Variants in KCNK2 observed in about 807,000 individuals in gnomAD.
KCNK2 encodes the protein potassium channel subfamily K member 2.
A neutral mutation model predicts 40.5 loss-of-function variants in KCNK2; 21 were observed. The observed-to-expected ratio is 0.52, with a 90% CI of 0.37 to 0.75. The LOEUF (loss-of-function observed/expected upper bound fraction) is 0.75, where lower values mean the gene tolerates loss of function less well. Among genes scored for constraint, KCNK2 ranks in the 30% least tolerant of loss-of-function variants. KCNK2 has a pLI of 0.00. For synonymous variants in KCNK2, 191 were observed against 202.2 expected (o/e 0.94, Z 0.47); for missense variants, 399 against 531.6 (o/e 0.75, Z 2.45).
rs1350148554 is a variant in KCNK2, at chr1:215,194,841, A to G, written c.824-112A>G. 4 of 785,130 alleles carry G rather than the reference A, an allele frequency of 5.1e-6. No individual in the cohort carries two copies. In the South Asian group the frequency reaches 5.1e-5, roughly 10 times the overall value. 48.6% of individuals were successfully genotyped at this position (785,130 alleles called of 1,614,324 possible). A position where few individuals can be genotyped will look rare whatever the true frequency, so the allele number is the denominator to read the frequency against. On this transcript the variant is annotated intron_variant, in intron 5 of 6. Coordinates refer to ENST00000444842, the MANE Select transcript of KCNK2 (RefSeq NM_001017425.3). The stretch of plus-strand genomic sequence containing the variant: ...ATAATGTAACTCCATTGATAAGAAT[A>G]CTAGATTTCTATGTTTTGCAAACCA...
chr1:215,225,707 A>C (rs1289235380), intron 6 of KCNK2, among the ~76,000 whole-genome samples: 1 of 152,210 alleles, frequency 6.6e-6, no homozygotes, highest in Non-Finnish European at 1.5e-5. Context: ...TGAGGAGAAG[A>C]AATTGATAGA....
At chr1:215,030,659 C>T (rs1054440633) in intron 1 of KCNK2, among the ~76,000 whole-genome samples, 2 of 151,840 alleles carry the variant, frequency 1.3e-5, no homozygotes, top group African/African-American at 2.4e-5. Context: ...CTCAGCCTCC[C>T]GAGTAGCTGG....
At chr1:215,111,772 G>T (rs1263975471) in intron 2 of KCNK2, among the ~76,000 whole-genome samples, 1 of 151,274 alleles carries the variant, frequency 6.6e-6, no homozygotes, top group Non-Finnish European at 1.5e-5. Context: ...TCTTTAATTG[G>T]GCCATGTTTC....
Position 215,200,552 on chromosome 1 carries a change from CCATTGA to C in KCNK2, c.963+5461_963+5466del, listed in dbSNP as rs1558135826. On this transcript the variant is annotated intron_variant, in intron 6 of 6. Coordinates refer to ENST00000444842, the MANE Select transcript of KCNK2 (RefSeq NM_001017425.3). ...ACTTTATTCAGAAAACTTTAGGGAG[CCATTGA>C]AGGATTTTAAGTAAGTGGAATGAAT... Among the ~76,000 whole-genome samples, 3 of 12,910 alleles carry C rather than the reference CCATTGA, an allele frequency of 2.3e-4. No homozygotes were observed. In the Non-Finnish European group the frequency reaches 9.5e-3, roughly 41 times the overall value. 8.5% of individuals were successfully genotyped at this position (12,910 alleles called of 152,430 possible). A position where few individuals can be genotyped will look rare whatever the true frequency, so the allele number is the denominator to read the frequency against.
chr1:215,083,161 C>CGGGGTTTTTGCATCTG lies in KCNK2; in HGVS notation c.-225_-224insGGGGTTTTTGCATCTG. Reference sequence around the variant, plus strand: ...GCCCTCTGCCCAGCCCGCCGGTGTCCCCTCCTTCCCGCGATTTCGTTTCTT... The same window carrying CGGGGTTTTTGCATCTG: ...GCCCTCTGCCCAGCCCGCCGGTGTCCGGGGTTTTTGCATCTGCCTCCTTCCCGCGATTTCGTTTCTT... On this transcript the variant is annotated 5_prime_UTR_variant, in exon 1 of 7. Coordinates refer to ENST00000444842, the MANE Select transcript of KCNK2 (RefSeq NM_001017425.3). 1 of 969,346 alleles carries CGGGGTTTTTGCATCTG rather than the reference C, an allele frequency of 1.0e-6. No homozygotes were observed. Among genetic ancestry groups the CGGGGTTTTTGCATCTG allele is most frequent in the Non-Finnish European group, 1.6e-6 (1 of 638,128 alleles). 60.0% of individuals were successfully genotyped at this position (969,346 alleles called of 1,614,324 possible). A position where few individuals can be genotyped will look rare whatever the true frequency, so the allele number is the denominator to read the frequency against.
intron 2 of KCNK2, among the ~76,000 whole-genome samples, chr1:215,110,330 A>C (rs1490336411): frequency 6.6e-6 from 1 of 151,982 alleles, no homozygotes; most frequent in East Asian, 1.9e-4. Flanking sequence ...TTCTTCTAGT[A>C]GTTTTATAAT....
intron 6 of KCNK2, among the ~76,000 whole-genome samples, chr1:215,222,607 A>T (rs1666225769): frequency 6.6e-6 from 1 of 152,220 alleles, no homozygotes; most frequent in Non-Finnish European, 1.5e-5. Flanking sequence ...TAGAGAAATT[A>T]CTAGCCAAAA....
At chr1:215,191,936 GC>G (rs1367889968) in intron 5 of KCNK2, among the ~76,000 whole-genome samples, 1 of 152,092 alleles carries the variant, frequency 6.6e-6, no homozygotes, top group East Asian at 1.9e-4. Context: ...AGGGGCAGTG[GC>G]CCTGTCAATA....
At chr1:215,158,336 T>G (rs904127771) in intron 3 of KCNK2, among the ~76,000 whole-genome samples, 20 of 152,228 alleles carry the variant, frequency 1.3e-4, no homozygotes, top group African/African-American at 4.3e-4. Flanking sequence ...ATTTTATAGG[T>G]GATGTAAATA....
intron 1 of KCNK2, among the ~76,000 whole-genome samples, chr1:215,052,228 G>T (rs141531782): frequency 3.2e-4 from 49 of 152,304 alleles, no homozygotes; most frequent in African/African-American, 1.1e-3. Flanking sequence ...ATGGGGGCAG[G>T]TTGGTTCTAG....
chr1:215,132,617 A>G (rs1661726107), intron 3 of KCNK2, among the ~76,000 whole-genome samples: 1 of 152,200 alleles, frequency 6.6e-6, no homozygotes, highest in African/African-American at 2.4e-5. Flanking sequence ...AAAAATTGAA[A>G]TTAAATTTGG....
intron 2 of KCNK2, among the ~76,000 whole-genome samples, chr1:215,099,247 A>G (rs929579999): frequency 2.0e-5 from 3 of 151,860 alleles, no homozygotes; most frequent in South Asian, 2.1e-4. Flanking sequence ...GCTTCCACTT[A>G]TAAGTGAGAA....
At chr1:215,036,730 A>G (rs1390486187) in intron 1 of KCNK2, among the ~76,000 whole-genome samples, 1 of 151,860 alleles carries the variant, frequency 6.6e-6, no homozygotes, top group African/African-American at 2.4e-5. Context: ...CAATGTACAG[A>G]TTTTACAAAC....
intron 1 of KCNK2, among the ~76,000 whole-genome samples, chr1:215,008,673 C>T (rs1169776729): frequency 6.6e-6 from 1 of 152,080 alleles, no homozygotes; most frequent in African/African-American, 2.4e-5. Flanking sequence ...GCTTTAGAGA[C>T]CTTTCTAACT....
chr1:215,096,636 G>A (rs888179473), intron 2 of KCNK2, among the ~76,000 whole-genome samples: 3 of 152,074 alleles, frequency 2.0e-5, no homozygotes, highest in Middle Eastern at 3.4e-3. Flanking sequence ...TCGCACAGTG[G>A]CTGTTTGTGG....
chr1:215,107,200 T>C (rs953720579), intron 2 of KCNK2, among the ~76,000 whole-genome samples: 2 of 152,056 alleles, frequency 1.3e-5, no homozygotes, highest in Non-Finnish European at 2.9e-5. Flanking sequence ...ATTTTAATGA[T>C]ATTATTTCAA....
chr1:215,103,585 G>A (rs942217211), intron 2 of KCNK2, among the ~76,000 whole-genome samples: 1 of 151,940 alleles, frequency 6.6e-6, no homozygotes, highest in Non-Finnish European at 1.5e-5. Context: ...ATCAGACAAT[G>A]ACATTTGGCT....
intron 2 of KCNK2, among the ~76,000 whole-genome samples, chr1:215,091,747 T>G (rs891868891): frequency 6.6e-6 from 1 of 152,120 alleles, no homozygotes; most frequent in Non-Finnish European, 1.5e-5. Context: ...ATATGGTCAC[T>G]AAGGAGGCTT....
intron 3 of KCNK2, among the ~76,000 whole-genome samples, chr1:215,138,986 C>T (rs1662047682): frequency 6.6e-6 from 1 of 152,144 alleles, no homozygotes; most frequent in Non-Finnish European, 1.5e-5. Flanking sequence ...AAATCATATT[C>T]TTTCACATGG....
Sources: gnomAD v4.1 joint callset for allele counts (sites outside exome capture counted in the v4.1 genomes callset) on GRCh38, gnomAD v4.1.1 for gene constraint, MANE v1.5 for transcripts, NCBI Gene and HGNC (gene_info 2026-07-23, HGNC 2026-07-21) for gene names.